Variants in PDE1A observed in about 807,000 individuals in gnomAD.
PDE1A encodes phosphodiesterase 1A.
PDE1A carries 35 observed loss-of-function variants against 61.7 expected under a neutral mutation model. The ratio of observed to expected loss-of-function variants is 0.57; its 90% CI spans 0.43 to 0.75. The LOEUF (loss-of-function observed/expected upper bound fraction) is 0.75. Ranked by LOEUF, PDE1A falls within the 30% of genes least tolerant of loss-of-function variation. The pLI, the probability that PDE1A is intolerant of heterozygous loss-of-function variation, is 0.00. For synonymous variants in PDE1A, 232 were observed against 213.2 expected (o/e 1.09, Z -0.77); for missense variants, 597 against 630.6 (o/e 0.95, Z 0.57).
At chr2:182,590,966 TCCA>T in the PDE1A span, among the ~76,000 whole-genome samples, 12 of 152,180 alleles carry the variant, frequency 7.9e-5, no homozygotes, top group Non-Finnish European at 1.8e-4. Flanking sequence ...CACCATTGTG[TCCA>T]CAGGAACTAT....
At chr2:182,376,046 T>C (rs1299665161) in intron 1 of PDE1A, among the ~76,000 whole-genome samples, 1 of 152,206 alleles carries the variant, frequency 6.6e-6, no homozygotes, top group African/African-American at 2.4e-5. Context: ...CATTTTTTCC[T>C]CCTAGACCTC....
the PDE1A span, among the ~76,000 whole-genome samples, chr2:182,580,818 T>C: frequency 4.9e-4 from 74 of 152,280 alleles, no homozygotes; most frequent in African/African-American, 1.8e-3. Flanking sequence ...ACAATGGCCT[T>C]AGTCATATAA....
intron 1 of PDE1A, among the ~76,000 whole-genome samples, chr2:182,348,777 G>A (rs1229295763): frequency 1.3e-5 from 2 of 151,322 alleles, no homozygotes; most frequent in Admixed American, 1.3e-4. Context: ...AGAGCTTTGG[G>A]CTACTAGATG....
At chr2:182,380,104 C>CT (rs1559396466) in intron 1 of PDE1A, among the ~76,000 whole-genome samples, 1 of 131,942 alleles carries the variant, frequency 7.6e-6, no homozygotes. Flanking sequence ...GACCCAGCTC[C>CT]TCTTTTTTTT....
chr2:182,709,505 T>C, the PDE1A span, among the ~76,000 whole-genome samples: 1 of 152,202 alleles, frequency 6.6e-6, no homozygotes, highest in South Asian at 2.1e-4. Flanking sequence ...TTCAGTATAG[T>C]AGACCAACCA....
chr2:182,382,876 T>C (rs1014069975), intron 1 of PDE1A, among the ~76,000 whole-genome samples: 2 of 152,192 alleles, frequency 1.3e-5, no homozygotes, highest in African/African-American at 4.8e-5. Context: ...TTTGTGTAAG[T>C]TAATAATTAA....
At chr2:182,634,044 A>T in the PDE1A span, among the ~76,000 whole-genome samples, 1 of 151,930 alleles carries the variant, frequency 6.6e-6, no homozygotes. Flanking sequence ...AACCAAAATC[A>T]CACCATTGTA....
At chr2:182,467,371 GAGT>G (rs1429941180) in intron 2 of PDE1A, among the ~76,000 whole-genome samples, 1 of 151,912 alleles carries the variant, frequency 6.6e-6, no homozygotes. Flanking sequence ...TTTAAAAATT[GAGT>G]AGTTTTATAT....
chr2:182,679,396 T>C, the PDE1A span, among the ~76,000 whole-genome samples: 7 of 148,750 alleles, frequency 4.7e-5, no homozygotes, highest in African/African-American at 1.7e-4. Flanking sequence ...AGACGGGGTT[T>C]CACCGTGTTA....
At chr2:182,374,618 C>A (rs1044288111) in intron 1 of PDE1A, among the ~76,000 whole-genome samples, 1 of 152,058 alleles carries the variant, frequency 6.6e-6, no homozygotes, top group African/African-American at 2.4e-5. Flanking sequence ...ATATTAAAAT[C>A]TTCTACATAT....
chr2:182,274,382 C>A (rs1693253620), intron 1 of PDE1A, among the ~76,000 whole-genome samples: 1 of 152,038 alleles, frequency 6.6e-6, no homozygotes, highest in African/African-American at 2.4e-5. Flanking sequence ...GAAAAGTCAA[C>A]ATGATATTTT....
At chr2:182,286,803 T>A (rs1393048526) in intron 1 of PDE1A, among the ~76,000 whole-genome samples, 1 of 152,126 alleles carries the variant, frequency 6.6e-6, no homozygotes, top group Non-Finnish European at 1.5e-5. Context: ...AATCTGACTG[T>A]ATGCCAAAGA....
chr2:182,204,727 G>GT (rs1686956789), intron 8 of PDE1A, among the ~76,000 whole-genome samples: 1 of 152,166 alleles, frequency 6.6e-6, no homozygotes, highest in South Asian at 2.1e-4. Context: ...TGGGCTATTA[G>GT]TAGTTAAGTT....
chr2:182,237,294 A>T (rs577789770), intron 3 of PDE1A, among the ~76,000 whole-genome samples: 1 of 152,250 alleles, frequency 6.6e-6, no homozygotes, highest in Admixed American at 6.5e-5. Context: ...GGAGTTCGAG[A>T]CTAGCCTGGC....
the PDE1A span, among the ~76,000 whole-genome samples, chr2:182,544,700 T>A: frequency 6.6e-6 from 1 of 152,224 alleles, no homozygotes; most frequent in South Asian, 2.1e-4. Context: ...ATAGCATCAT[T>A]TCAAAACTTT....
chr2:182,579,780 T>C, the PDE1A span, among the ~76,000 whole-genome samples: 16 of 152,190 alleles, frequency 1.1e-4, no homozygotes, highest in East Asian at 5.8e-4. Flanking sequence ...TATAAATTAT[T>C]ATAATAAAGT....
At chr2:182,393,411 G>T (rs1311051994) in intron 1 of PDE1A, among the ~76,000 whole-genome samples, 11 of 151,954 alleles carry the variant, frequency 7.2e-5, no homozygotes, top group Admixed American at 7.2e-4. Context: ...TAGGCCTCTA[G>T]GCCTGTGATG....
Position 182,206,105 on chromosome 2 carries a change from T to C in PDE1A, c.777-40A>G, listed in dbSNP as rs746253756. On this transcript the variant is annotated intron_variant, in intron 7 of 13. Coordinates refer to ENST00000351439, the Ensembl canonical transcript of PDE1A. Reference sequence around the variant, plus strand: ...CAAAATGCCCAACAGAGGATTTCTTTAGACATCATGAATGTCTAATAAGAC... The same window carrying C: ...CAAAATGCCCAACAGAGGATTTCTTCAGACATCATGAATGTCTAATAAGAC... 133 of 1,567,138 alleles carry C rather than the reference T, an allele frequency of 8.5e-5. 1 individual carries two copies. The South Asian group carries it at 1.4e-3, about 16-fold the overall frequency.
intron 1 of PDE1A, among the ~76,000 whole-genome samples, chr2:182,397,493 GA>G (rs1486421894): frequency 2.0e-5 from 3 of 151,916 alleles, no homozygotes; most frequent in East Asian, 1.9e-4. Context: ...CGCTTTCCCT[GA>G]AAAAAAGTTA....
Sources: allele counts gnomAD v4.1 joint callset (sites outside exome capture counted in the v4.1 genomes callset), GRCh38; gene constraint gnomAD v4.1.1; transcripts MANE v1.5; gene names NCBI Gene and HGNC (gene_info 2026-07-23, HGNC 2026-07-21).